Variants in DEFB125 observed in about 807,000 individuals in gnomAD.
The protein encoded by DEFB125 is beta-defensin 125.
In DEFB125, 11 loss-of-function variants were observed where a neutral mutation model predicts 11.8. The observed-to-expected ratio is 0.94, with a 90% confidence interval of 0.59 to 1.55. DEFB125 has a LOEUF of 1.55. Ranked by LOEUF, DEFB125 falls within the 40% of genes most tolerant of loss-of-function variation. The pLI, the probability that DEFB125 is intolerant of heterozygous loss-of-function variation, is 0.00. For missense variants in DEFB125, 198 were observed against 191.2 expected (o/e 1.04, Z -0.21); for synonymous variants, 79 against 66.7 (o/e 1.18, Z -0.90).
intron 1 of DEFB125, among the ~76,000 whole-genome samples, chr20:89,995 G>C (rs1316313513): frequency 6.6e-6 from 1 of 152,124 alleles, no homozygotes; most frequent in Non-Finnish European, 1.5e-5. Flanking sequence ...AGCACCTGAT[G>C]GCTTGTGAAG....
intron 1 of DEFB125, among the ~76,000 whole-genome samples, chr20:92,397 T>G (rs1422176622): frequency 6.9e-6 from 1 of 145,846 alleles, no homozygotes. Flanking sequence ...CCTTCCTTCT[T>G]TTTTTTTTTT....
intron 1 of DEFB125, among the ~76,000 whole-genome samples, chr20:92,598 G>T (rs2054500430): frequency 6.6e-6 from 1 of 151,848 alleles, no homozygotes; most frequent in African/African-American, 2.4e-5. Context: ...TCACCAGGTT[G>T]GCCAGGATGG....
In DEFB125 at chr20:96,558, C is replaced by G. The variant is rs1181253013; in HGVS notation, c.*141C>G. 4 of 980,696 alleles carry G rather than the reference C, an allele frequency of 4.1e-6. No homozygotes were observed. Among genetic ancestry groups the G allele is most frequent in the Non-Finnish European group, 6.0e-6 (4 of 668,040 alleles). The allele number at this position is 980,696 out of a possible 1,614,324, so 60.7% of individuals were successfully genotyped here. A position where few individuals can be genotyped will look rare whatever the true frequency, so the allele number is the denominator to read the frequency against. On this transcript the variant is annotated 3_prime_UTR_variant, in exon 2 of 2. Coordinates refer to ENST00000382410, the MANE Select transcript of DEFB125 (RefSeq NM_153325.4). ...TGGGGATGGACATAATTGCTACTAC[C>G]AACACAACAGCCAAGAGAGTTGCCT...
intron 1 of DEFB125, among the ~76,000 whole-genome samples, chr20:90,501 G>C (rs982943265): frequency 6.6e-6 from 1 of 152,152 alleles, no homozygotes; most frequent in African/African-American, 2.4e-5. Flanking sequence ...TATTGCCATA[G>C]CTTCCTCATG....
At position 92,815 on chromosome 20, in the gene DEFB125, A is replaced by G. The variant is rs538125677; in HGVS notation, c.59-3190A>G. The stretch of plus-strand genomic sequence containing the variant: ...CATGCCCCATTTATTTAAACAATTC[A>G]AATAGGAAGTTTTCACTCATTTCCT... On this transcript the variant is annotated intron_variant, in intron 1 of 1. Transcript: ENST00000382410. Among the ~76,000 whole-genome samples the G allele has an allele frequency of 5.9e-5, 9 of 152,144 alleles. 1 individual carries two copies. The highest frequency in any genetic ancestry group is 2.2e-4 in the African/African-American group (9 of 41,512).
Position 87,733 on chromosome 20 carries a change from C to A in DEFB125, c.24C>A (p.Phe8Leu), listed in dbSNP as rs1477495312. The change falls in exon 1 of 2, where the codon TTC becomes TTA. Residue 8 changes from phenylalanine (F) to leucine (L), a missense_variant. Transcript: ENST00000382410. MNILMLT[F>L]IICGLLTRVT... ...CCATGAATATCCTGATGCTGACCTTCATTATCTGTGGGTTGCTAACTCGGG... is the reference window on the plus strand; with the variant it reads ...CCATGAATATCCTGATGCTGACCTTAATTATCTGTGGGTTGCTAACTCGGG... 5 of 1,613,112 alleles carry A rather than the reference C, an allele frequency of 3.1e-6. No individual in the cohort carries two copies. In the African/African-American group the frequency reaches 6.7e-5, roughly 22 times the overall value.
In DEFB125 at chr20:87,828, C is replaced by T. The variant is rs41282976; in HGVS notation, c.58+61C>T. ...GATGAGTTGTTGCCCTTGGGCTCCC[C>T]TGGTATCATGATGGGAAGAGAGGGA... On this transcript the variant is annotated intron_variant, in intron 1 of 1. Coordinates refer to ENST00000382410, the MANE Select transcript of DEFB125 (RefSeq NM_153325.4). 1.4e-3 allele frequency: 2,093 copies of T among 1,547,752 alleles called. 4 individuals carry two copies. Among genetic ancestry groups the T allele is most frequent in the Non-Finnish European group, 1.8e-3 (2,021 of 1,121,006 alleles).
chr20:92,483 C>G (rs1292786123), intron 1 of DEFB125, among the ~76,000 whole-genome samples: 1 of 151,426 alleles, frequency 6.6e-6, no homozygotes, highest in African/African-American at 2.4e-5. Flanking sequence ...ACCGCCAACT[C>G]CCTGGTTCAA....
intron 1 of DEFB125, among the ~76,000 whole-genome samples, chr20:94,694 G>A (rs2054508443): frequency 6.6e-6 from 1 of 152,104 alleles, no homozygotes; most frequent in Non-Finnish European, 1.5e-5. Flanking sequence ...CCCTGCTATA[G>A]GATGCTGGAA....
rs2054516110 is a variant in DEFB125 at position 96,410 on chromosome 20, A to G, written c.464A>G (p.His155Arg). Reference protein sequence around the residue: ...MPPPSQTALTHN With the variant: ...MPPPSQTALTRN Reference sequence around the variant, plus strand: ...CCACCTTCTCAGACAGCTCTTACTCATAATTAATTAACATTTACTTCTGGT... The same window carrying G: ...CCACCTTCTCAGACAGCTCTTACTCGTAATTAATTAACATTTACTTCTGGT... Residue 155 changes from histidine (H) to arginine (R), a missense_variant, in exon 2 of 2, where the codon CAT (histidine) becomes CGT (arginine). His to Arg is a conservative substitution (Grantham distance 29). Coordinates refer to ENST00000382410, the MANE Select transcript of DEFB125 (RefSeq NM_153325.4). 1 of 1,606,424 alleles carries G rather than the reference A, an allele frequency of 6.2e-7. No homozygotes were observed. The highest frequency in any genetic ancestry group is 1.1e-5 in the South Asian group (1 of 90,302).
In DEFB125 at chr20:96,371, C is replaced by T; in HGVS notation, c.425C>T (p.Ser142Phe). Residue 142 changes from serine (S) to phenylalanine (F), a missense_variant, in exon 2 of 2, where the codon TCC becomes TTC. Physicochemically the swap from Ser to Phe is radical, Grantham distance 155. Transcript: ENST00000382410. ...TTMPPSETAT[S>F]ETMPPPSQTA... ...ATGCCACCATCTGAGACTGCTACTTCCGAGACTATGCCACCACCTTCTCAG... is the reference window on the plus strand; with the variant it reads ...ATGCCACCATCTGAGACTGCTACTTTCGAGACTATGCCACCACCTTCTCAG... 6.2e-7 allele frequency: 1 copy of T among 1,613,994 alleles called. No homozygotes were observed. Among genetic ancestry groups the T allele is most frequent in the Non-Finnish European group, 8.5e-7 (1 of 1,179,922 alleles).
rs770651422 is a variant in DEFB125, at chr20:87,781, A to C, written c.58+14A>C. The stretch of plus-strand genomic sequence containing the variant: ...GGGTGACCAAAGGTAATGGAACCCT[A>C]TAAAGCAGAGATGATGACTAGGATG... On this transcript the variant is annotated intron_variant, in intron 1 of 1. Transcript: ENST00000382410. 70 of 1,612,442 alleles carry C rather than the reference A, an allele frequency of 4.3e-5. 1 individual carries two copies. The South Asian group carries it at 7.6e-4, about 17-fold the overall frequency.
At chr20:88,061 CTCACT>C (rs1056994291) in intron 1 of DEFB125, among the ~76,000 whole-genome samples, 5 of 152,198 alleles carry the variant, frequency 3.3e-5, no homozygotes, top group Non-Finnish European at 5.9e-5. Flanking sequence ...TTAGTTCAGC[CTCACT>C]TCACTTCCAT....
chr20:94,905 C>G (rs1370685998), intron 1 of DEFB125, among the ~76,000 whole-genome samples: 1 of 152,184 alleles, frequency 6.6e-6, no homozygotes, highest in Admixed American at 6.5e-5. Context: ...ACATGTCCCC[C>G]AGGCTCATCC....
chr20:91,534 C>A (rs898942739), intron 1 of DEFB125, among the ~76,000 whole-genome samples: 2 of 152,100 alleles, frequency 1.3e-5, no homozygotes, highest in Non-Finnish European at 2.9e-5. Flanking sequence ...AAAGTCAGCT[C>A]CATGTGATTT....
intron 1 of DEFB125, among the ~76,000 whole-genome samples, chr20:88,441 C>CA (rs1304964237): frequency 2.0e-5 from 3 of 152,088 alleles, no homozygotes; most frequent in Non-Finnish European, 4.4e-5. Context: ...ACTTATGTAT[C>CA]AAGCAATCGA....
chr20:87,798 A>C, intron 1 of DEFB125, 31 bp downstream of exon 1: 1 of 1,610,420 alleles, frequency 6.2e-7, no homozygotes. Context: ...AGAGATGATG[A>C]CTAGGATGAG....
Position 96,218 on chromosome 20 carries a change from C to A in DEFB125, c.272C>A (p.Ser91Tyr). 1 of 1,614,104 alleles carries A rather than the reference C, an allele frequency of 6.2e-7. No homozygotes were observed. Among genetic ancestry groups the A allele is most frequent in the Non-Finnish European group, 8.5e-7 (1 of 1,180,006 alleles). ...AGTGATGTGGACTCTTTTACTGGTT[C>A]CCCAGTATCTATGTTGAATGATCTG... ...DYSDVDSFTG[S>Y]PVSMLNDLIT... The change falls in exon 2 of 2, where the codon TCC (serine) becomes TAC (tyrosine). Residue 91 changes from serine to tyrosine, a missense_variant. Ser to Tyr is a moderately radical substitution (Grantham distance 144). Transcript: ENST00000382410.
chr20:92,543 C>A (rs2054500210), intron 1 of DEFB125, among the ~76,000 whole-genome samples: 1 of 151,844 alleles, frequency 6.6e-6, no homozygotes, highest in African/African-American at 2.4e-5. Flanking sequence ...CAGGCATGTG[C>A]CACCACATCC....
Sources: allele counts gnomAD v4.1 joint callset (sites outside exome capture counted in the v4.1 genomes callset), GRCh38; gene constraint gnomAD v4.1.1; transcripts MANE v1.5; gene names NCBI Gene and HGNC (gene_info 2026-07-23, HGNC 2026-07-21).